Variants in DNAH3 observed in about 807,000 individuals in gnomAD.
DNAH3 encodes the protein axonemal beta dynein heavy chain 3.
In DNAH3, 332 loss-of-function variants were observed where a neutral mutation model predicts 432.5. That is an observed-to-expected ratio of 0.77 (90% CI 0.70 to 0.84). DNAH3 has a LOEUF of 0.84. Among genes scored for constraint, DNAH3 ranks in the 40% least tolerant of loss-of-function variants. DNAH3 has a pLI of 0.00. For missense variants in DNAH3, 4,861 were observed against 5,114.0 expected (o/e 0.95, Z 1.51); for synonymous variants, 1,956 against 1,900.2 (o/e 1.03, Z -0.76).
chr16:20,994,213 T>A (rs1024710085), intron 44 of DNAH3, among the ~76,000 whole-genome samples: 5 of 152,122 alleles, frequency 3.3e-5, no homozygotes, highest in Non-Finnish European at 5.9e-5. Context: ...GTGGATCACC[T>A]GAGATCCAGA....
chr16:20,971,444 G>A (rs1272088513), intron 51 of DNAH3, among the ~76,000 whole-genome samples: 1 of 152,092 alleles, frequency 6.6e-6, no homozygotes, highest in Non-Finnish European at 1.5e-5. Context: ...GCCCTGAAAG[G>A]TCCAGGAAGG....
At chr16:21,135,865 C>A (rs1185977046) in intron 6 of DNAH3, among the ~76,000 whole-genome samples, 10 of 148,470 alleles carry the variant, frequency 6.7e-5, no homozygotes, top group South Asian at 6.5e-4. Context: ...CATAGGGAGA[C>A]CTTGTCGCTA....
intron 1 of DNAH3, 67 bp from the exon 2 acceptor site, chr16:21,150,601 TGGC>T: frequency 5.0e-6 from 1 of 198,752 alleles, no homozygotes; most frequent in Non-Finnish European, 1.0e-5. Context: ...GCTGCGCTTT[TGGC>T]TCTGGTTCCT....
intron 23 of DNAH3, among the ~76,000 whole-genome samples, chr16:21,069,117 GTT>G (rs1567735248): frequency 1.5e-5 from 2 of 134,792 alleles, no homozygotes; most frequent in South Asian, 2.4e-4. Context: ...GTGTGTGTGT[GTT>G]TTTAGTAGAG....
At chr16:21,085,064 C>T (rs1383113522) in intron 19 of DNAH3, among the ~76,000 whole-genome samples, 1 of 151,654 alleles carries the variant, frequency 6.6e-6, no homozygotes, top group Non-Finnish European at 1.5e-5. Flanking sequence ...TCTGCGGATC[C>T]CTCTGCTGGG....
intron 21 of DNAH3, among the ~76,000 whole-genome samples, chr16:21,071,736 T>A (rs561700134): frequency 6.6e-6 from 1 of 152,128 alleles, no homozygotes; most frequent in East Asian, 1.9e-4. Flanking sequence ...AATTTTTTTT[T>A]TAAAAAGACA....
intron 41 of DNAH3, among the ~76,000 whole-genome samples, chr16:21,012,191 G>A (rs781061975): frequency 2.2e-4 from 34 of 152,222 alleles, no homozygotes; most frequent in African/African-American, 7.2e-4. Context: ...AATGAAAAGC[G>A]CACCTCGAAA....
At chr16:21,067,786 A>AGAGAGAGAGAGAGAGAGAGAGAGAGAGG (rs2090620867) in intron 23 of DNAH3, among the ~76,000 whole-genome samples, 1 of 106,734 alleles carries the variant, frequency 9.4e-6, no homozygotes, top group African/African-American at 3.3e-5. Flanking sequence ...GGAGAGAGAG[A>AGAGAGAGAGAGAGAGAGAGAGAGAGAGG]GAGAGAGAGA....
chr16:20,963,674 C>G, exon 53 of DNAH3: 2 of 1,614,034 alleles, frequency 1.2e-6, no homozygotes, highest in South Asian at 1.1e-5. Flanking sequence ...TAGGGGTTAT[C>G]CAGTGCGATG....
chr16:21,116,051 T>C (rs1050684208), intron 12 of DNAH3, among the ~76,000 whole-genome samples: 5 of 152,154 alleles, frequency 3.3e-5, no homozygotes, highest in African/African-American at 1.2e-4. Context: ...CACAATATAA[T>C]TTTCCAGTCA....
At chr16:20,985,796 G>A (rs1037589837) in intron 47 of DNAH3, 81 bp from the exon 48 acceptor site, 4 of 1,398,384 alleles carry the variant, frequency 2.9e-6, no homozygotes, top group African/African-American at 1.4e-5. Context: ...GGGAGGGCAT[G>A]GGAGACGTGG....
At chr16:21,022,141 A>G (rs759596522) in intron 39 of DNAH3, 41 bp from the exon 40 acceptor site, 32 of 1,609,298 alleles carry the variant, frequency 2.0e-5, no homozygotes, top group Non-Finnish European at 2.7e-5. Flanking sequence ...GACATGATCA[A>G]CAAGTGAGTT....
At chr16:21,074,663 G>A (rs973071805) in intron 21 of DNAH3, among the ~76,000 whole-genome samples, 17 of 152,210 alleles carry the variant, frequency 1.1e-4, no homozygotes, top group African/African-American at 3.4e-4. Context: ...GCAGTGATCC[G>A]AGATCACGCA....
intron 48 of DNAH3, among the ~76,000 whole-genome samples, chr16:20,984,029 G>GAAAAAAGAAAAAAAAAAAAAAAAAAAAAA (rs2086051499): frequency 1.2e-4 from 13 of 112,134 alleles, no homozygotes; most frequent in African/African-American, 4.2e-4. Flanking sequence ...CCTATATCCA[G>GAAAAAAGAAAAAAAAAAAAAAAAAAAAAA]AAAAAAAAAA....
At chr16:21,037,976 C>A in exon 34 of DNAH3, 2 of 1,613,864 alleles carry the variant, frequency 1.2e-6, no homozygotes, top group Non-Finnish European at 1.7e-6. Flanking sequence ...ATCTTCTGGG[C>A]GAGACTAGAA....
intron 16 of DNAH3, among the ~76,000 whole-genome samples, chr16:21,099,293 A>AATGG (rs1184803996): frequency 6.8e-6 from 1 of 146,426 alleles, no homozygotes; most frequent in East Asian, 2.0e-4. Flanking sequence ...TGGATGGATG[A>AATGG]ATGGATGGAT....
chr16:21,126,426 C>T (rs2092447856), intron 8 of DNAH3, among the ~76,000 whole-genome samples: 1 of 152,132 alleles, frequency 6.6e-6, no homozygotes, highest in South Asian at 2.1e-4. Flanking sequence ...CTAAAGAAAA[C>T]CCATCTGCAG....
intron 54 of DNAH3, among the ~76,000 whole-genome samples, chr16:20,957,114 G>A (rs1567524781): frequency 6.6e-6 from 1 of 152,112 alleles, no homozygotes; most frequent in Non-Finnish European, 1.5e-5. Flanking sequence ...GGCCTAATCC[G>A]ACTTTGTAAA....
rs141534193 is a variant in DNAH3, at chr16:21,039,934, G to A, written c.4648C>T (p.Arg1550Trp). ...TCTGGGACCATCATGGCCACTGTCC[G>A]GAACAAGGCCTGGAAAAGAAACAAC... Residue 1550 changes from arginine (R) to tryptophan (W), a missense_variant, in exon 33 of 62, where the codon CGG (arginine) becomes TGG (tryptophan). By Grantham distance (101) the Arg-to-Trp change is moderately radical. Transcript: ENST00000261383. 6.3e-4 allele frequency: 1,014 copies of A among 1,613,414 alleles called. 1 individual carries two copies. Among genetic ancestry groups the A allele is most frequent in the Non-Finnish European group, 8.0e-4 (943 of 1,179,538 alleles).
Sources: allele counts gnomAD v4.1 joint callset (sites outside exome capture counted in the v4.1 genomes callset), GRCh38; gene constraint gnomAD v4.1.1; transcripts MANE v1.5; gene names NCBI Gene and HGNC (gene_info 2026-07-23, HGNC 2026-07-21).